Variants in PALS2 observed in about 807,000 individuals in gnomAD.
PALS2 encodes protein associated with LIN7 2, MAGUK p55 family member.
In PALS2, 27 loss-of-function variants were observed where a neutral mutation model predicts 61.6. The ratio of observed to expected loss-of-function variants is 0.44; its 90% CI spans 0.32 to 0.60. PALS2 has a LOEUF of 0.60. Ranked by LOEUF, PALS2 falls within the 20% of genes least tolerant of loss-of-function variation. PALS2 has a pLI of 0.05. For missense variants in PALS2, 554 were observed against 639.4 expected (o/e 0.87, Z 1.44); for synonymous variants, 236 against 218.6 (o/e 1.08, Z -0.70).
intron 9 of PALS2, chr7:24,674,265 A>G (rs1289315963): frequency 6.5e-6 from 1 of 153,038 alleles, no homozygotes; most frequent in Non-Finnish European, 1.5e-5. Flanking sequence ...AGAAATAGCA[A>G]TTCATCCATT....
chr7:24,612,139 G>T (rs190349882), intron 1 of PALS2, among the ~76,000 whole-genome samples: 164 of 151,960 alleles, frequency 1.1e-3, no homozygotes, highest in Middle Eastern at 3.4e-3. Flanking sequence ...TGTTCATGTG[G>T]TTTTTTGCCT....
At chr7:24,625,982 T>C (rs1331084516) in intron 2 of PALS2, among the ~76,000 whole-genome samples, 1 of 152,126 alleles carries the variant, frequency 6.6e-6, no homozygotes, top group East Asian at 1.9e-4. Flanking sequence ...CACACATTGC[T>C]AGATATGCAG....
At chr7:24,645,766 ATTTG>A (rs1785801395) in intron 3 of PALS2, among the ~76,000 whole-genome samples, 1 of 152,060 alleles carries the variant, frequency 6.6e-6, no homozygotes, top group Admixed American at 6.6e-5. Flanking sequence ...ATGTTTCTCC[ATTTG>A]TTTGTGTCTT....
intron 1 of PALS2, among the ~76,000 whole-genome samples, chr7:24,610,626 A>C (rs534552777): frequency 1.4e-3 from 210 of 152,288 alleles, no homozygotes; most frequent in African/African-American, 5.0e-3. Flanking sequence ...TTAATGTTTT[A>C]AGTGAACTCT....
At chr7:24,609,436 G>A (rs1229869525) in intron 1 of PALS2, among the ~76,000 whole-genome samples, 2 of 152,118 alleles carry the variant, frequency 1.3e-5, no homozygotes, top group Non-Finnish European at 1.5e-5. Context: ...TTAGGGTAAG[G>A]CTTTGAGTGG....
chr7:24,687,510 A>G lies in PALS2; in HGVS notation c.1519A>G (p.Ile507Val). ...AGCATACAACCACTATTTTGATTTG[A>G]TCATCATAAATGATAATCTAGACAA... ...QRAYNHYFDLIIINDNLDKAF... is the reference protein window; with the variant it reads ...QRAYNHYFDLVIINDNLDKAF... Residue 507 changes from isoleucine (I) to valine (V), a missense_variant, in exon 12 of 12, where the codon ATC becomes GTC. Ile to Val is a conservative substitution (Grantham distance 29). Coordinates refer to ENST00000222644, the MANE Select transcript of PALS2 (RefSeq NM_001303037.2). This position sits in a 1 kb window ranked among gnomAD's most constrained non-coding sequence, Gnocchi z 4.5. The G allele has an allele frequency of 3.7e-6, 6 of 1,613,206 alleles. No individual in the cohort carries two copies. The highest frequency in any genetic ancestry group is 4.2e-6 in the Non-Finnish European group (5 of 1,179,688).
At chr7:24,576,933 A>G (rs1388709337) in intron 1 of PALS2, among the ~76,000 whole-genome samples, 3 of 152,356 alleles carry the variant, frequency 2.0e-5, no homozygotes, top group Middle Eastern at 3.4e-3. Flanking sequence ...TTAAGCTGTG[A>G]CCATTATTAC....
chr7:24,614,159 C>A (rs2390982), intron 1 of PALS2, among the ~76,000 whole-genome samples: 12,232 of 151,864 alleles, frequency 0.081, 639 homozygotes, highest in Admixed American at 0.11. Flanking sequence ...TTTAAGGAAT[C>A]TCCCTACTGT....
Position 24,607,470 on chromosome 7 carries a change from C to T in PALS2, c.-2-16196C>T, listed in dbSNP as rs549299502. On this transcript the variant is annotated intron_variant, in intron 1 of 11. Coordinates refer to ENST00000222644, the MANE Select transcript of PALS2 (RefSeq NM_001303037.2). ...CTTGCTAATGTATGTGTATCTCTCT[C>T]TCTCTCTCTCTGAACACACACATGA... Among the ~76,000 whole-genome samples the T allele has an allele frequency of 2.6e-5, 4 of 151,700 alleles. No individual in the cohort carries two copies. The East Asian group carries it at 5.8e-4, about 22-fold the overall frequency.
intron 1 of PALS2, among the ~76,000 whole-genome samples, chr7:24,604,276 C>A (rs1783820990): frequency 7.1e-6 from 1 of 141,510 alleles, no homozygotes. Flanking sequence ...GCTAACAGGA[C>A]ACAATAAATA....
At position 24,596,843 on chromosome 7, in the gene PALS2, C is replaced by T. The variant is rs1329606426; in HGVS notation, c.-3+23250C>T. Among the ~76,000 whole-genome samples the T allele has an allele frequency of 1.3e-5, 2 of 152,096 alleles. No homozygotes were observed. Among genetic ancestry groups the T allele is most frequent in the Non-Finnish European group, 2.9e-5 (2 of 68,026 alleles). On this transcript the variant is annotated intron_variant, in intron 1 of 11. Transcript: ENST00000222644. The surrounding 1 kb of genome is among the most constrained non-coding windows in gnomAD (Gnocchi z 4.5). The stretch of plus-strand genomic sequence containing the variant: ...GGGGATTAGTATACCAGTTAAGAGG[C>T]TTTTAAAGTAGTCTAGGCAAGAGAA...
At chr7:24,579,505 T>C (rs1187934209) in intron 1 of PALS2, among the ~76,000 whole-genome samples, 1 of 152,182 alleles carries the variant, frequency 6.6e-6, no homozygotes, top group Non-Finnish European at 1.5e-5. Flanking sequence ...ACAGCAGGCT[T>C]CCTCCCCCAA....
At chr7:24,637,296 CTTTT>C (rs35499781) in intron 2 of PALS2, among the ~76,000 whole-genome samples, 3 of 109,512 alleles carry the variant, frequency 2.7e-5, no homozygotes, top group Non-Finnish European at 5.8e-5. Flanking sequence ...ACTTACTCAT[CTTTT>C]TTTTTTTTTT....
chr7:24,624,202 T>A (rs1784640344), intron 2 of PALS2: 1 of 1,113,862 alleles, frequency 9.0e-7, no homozygotes, highest in Admixed American at 3.0e-5. Context: ...GAAATTTTGT[T>A]ATTTGTTGCA....
Position 24,690,203 on chromosome 7 carries a change from C to G in PALS2, c.*2589C>G, listed in dbSNP as rs1205970046. On this transcript the variant is annotated 3_prime_UTR_variant, in exon 12 of 12. Transcript: ENST00000222644. ...AGTTCATTGTATCTCAATGAAGAAT[C>G]ATTGAACTTGAAACCCAAGTCCCAA... The G allele has an allele frequency of 1.3e-5, 2 of 152,134 alleles. No homozygotes were observed. The highest frequency in any genetic ancestry group is 4.8e-5 in the African/African-American group (2 of 41,420). The allele number at this position is 152,134 out of a possible 1,614,324, so 9.4% of individuals were successfully genotyped here.
At chr7:24,654,930 G>A (rs1786339009) in intron 5 of PALS2, among the ~76,000 whole-genome samples, 1 of 152,190 alleles carries the variant, frequency 6.6e-6, no homozygotes, top group Non-Finnish European at 1.5e-5. Flanking sequence ...GTGGAAAGGA[G>A]ATGATGCAAT....
At chr7:24,621,306 C>G (rs112306632) in intron 1 of PALS2, among the ~76,000 whole-genome samples, 3 of 152,082 alleles carry the variant, frequency 2.0e-5, no homozygotes, top group African/African-American at 7.2e-5. Context: ...CAAGAGAATG[C>G]TTTGTGAGGG....
chr7:24,580,182 A>G (rs1206787410), intron 1 of PALS2, among the ~76,000 whole-genome samples: 1 of 152,202 alleles, frequency 6.6e-6, no homozygotes, highest in Non-Finnish European at 1.5e-5. Context: ...TCAAGGATAA[A>G]TACTTTATAT....
intron 5 of PALS2, among the ~76,000 whole-genome samples, chr7:24,658,927 A>G (rs1053577208): frequency 2.0e-5 from 3 of 152,110 alleles, no homozygotes; most frequent in African/African-American, 7.2e-5. Flanking sequence ...TCTGGAGTGT[A>G]GTGCACAAAT....
Sources: gnomAD v4.1 joint callset for allele counts (sites outside exome capture counted in the v4.1 genomes callset) on GRCh38, gnomAD v4.1.1 for gene constraint, Gnocchi (gnomAD v3.1) non-coding constraint, MANE v1.5 for transcripts, NCBI Gene and HGNC (gene_info 2026-07-23, HGNC 2026-07-21) for gene names.